The following VEGFC variants were observed in gnomAD, a reference collection of about 807,000 sequenced individuals.
The protein encoded by VEGFC is vascular endothelial growth factor C.
A neutral mutation model predicts 46.1 loss-of-function variants in VEGFC; 12 were observed. The observed-to-expected ratio is 0.26, with a 90% CI of 0.17 to 0.42. The LOEUF (loss-of-function observed/expected upper bound fraction) is 0.42, where lower values mean the gene tolerates loss of function less well. Ranked by LOEUF, VEGFC falls within the 10% of genes least tolerant of loss-of-function variation. VEGFC has a pLI of 1.00. For synonymous variants in VEGFC, 232 were observed against 195.5 expected, an observed-to-expected ratio of 1.19 and a Z score of -1.56; for missense variants, 488 against 529.4, an observed-to-expected ratio of 0.92 and a Z score of 0.77.
chr4:176,756,132 T>C (rs1386135419), intron 1 of VEGFC, among the ~76,000 whole-genome samples: 1 of 152,036 alleles, frequency 6.6e-6, no homozygotes, highest in Non-Finnish European at 1.5e-5. Flanking sequence ...TCTCCCACAT[T>C]CATGACTTTT....
In VEGFC at chr4:176,683,828, G is replaced by C. The variant is rs1579080342; in HGVS notation, c.*98C>G. On this transcript the variant is annotated 3_prime_UTR_variant, in exon 7 of 7. Transcript: ENST00000618562. ...GAAAGACAGACTTTTGTCTTTGTTA[G>C]CATGGACCCACAAGGGTCTCTCTGT... 1.5e-5 allele frequency: 14 copies of C among 956,772 alleles called. No homozygotes were observed. The highest frequency in any genetic ancestry group is 2.3e-5 in the Non-Finnish European group (14 of 605,270). 59.3% of individuals were successfully genotyped at this position (956,772 alleles called of 1,614,324 possible). A position where few individuals can be genotyped will look rare whatever the true frequency, so the allele number is the denominator to read the frequency against.
At chr4:176,728,002 G>A (rs1169989564) in intron 2 of VEGFC, 34 bp from the exon 3 acceptor site, 8 of 1,521,840 alleles carry the variant, frequency 5.3e-6, no homozygotes, top group South Asian at 2.6e-5. Flanking sequence ...TAAGTTTTAC[G>A]GAAACCACCA....
intron 1 of VEGFC, among the ~76,000 whole-genome samples, chr4:176,776,770 T>C (rs1329669774): frequency 1.3e-5 from 2 of 152,220 alleles, no homozygotes; most frequent in African/African-American, 4.8e-5. Flanking sequence ...AATAGAAAAT[T>C]GTTAACATTC....
intron 4 of VEGFC, among the ~76,000 whole-genome samples, chr4:176,692,614 T>C (rs1054995293): frequency 4.3e-5 from 6 of 140,864 alleles, no homozygotes; most frequent in East Asian, 2.0e-4. Flanking sequence ...TCGAACTGGG[T>C]GGAGCCCACC....
intron 3 of VEGFC, among the ~76,000 whole-genome samples, chr4:176,716,584 G>GAAAA (rs57274087): frequency 9.1e-5 from 4 of 43,752 alleles, no homozygotes; most frequent in Non-Finnish European, 1.6e-4. Flanking sequence ...CTCCCTCTCC[G>GAAAA]AAAAAAAAAA....
chr4:176,781,891 T>A (rs1288894024), intron 1 of VEGFC, among the ~76,000 whole-genome samples: 1 of 152,214 alleles, frequency 6.6e-6, no homozygotes, highest in Non-Finnish European at 1.5e-5. Flanking sequence ...TGAAGCAGAT[T>A]AAGTAGTCGG....
At chr4:176,766,593 A>T (rs1457082253) in intron 1 of VEGFC, among the ~76,000 whole-genome samples, 2 of 151,926 alleles carry the variant, frequency 1.3e-5, no homozygotes, top group African/African-American at 4.8e-5. Flanking sequence ...TCTCAAAAAA[A>T]AAAAAAAAAA....
intron 1 of VEGFC, among the ~76,000 whole-genome samples, chr4:176,774,408 C>A (rs1391886570): frequency 6.6e-6 from 1 of 152,004 alleles, no homozygotes; most frequent in African/African-American, 2.4e-5. Context: ...AGCCACAGAG[C>A]CAAATGAGTG....
At position 176,719,279 on chromosome 4, in the gene VEGFC, C is replaced by A. The variant is rs1057057503; in HGVS notation, c.553-7629G>T. Among the ~76,000 whole-genome samples, 27 of 148,438 alleles carry A rather than the reference C, an allele frequency of 1.8e-4. No individual in the cohort carries two copies. In the Admixed American group the frequency reaches 1.9e-3, roughly 10 times the overall value. ...GCTTTGCTACAAAATGTGCCTGGAA[C>A]TCTTTTAACAAAACGAAAAGTCTTT... On this transcript the variant is annotated intron_variant, in intron 3 of 6. Coordinates refer to ENST00000618562, the MANE Select transcript of VEGFC (RefSeq NM_005429.5).
intron 1 of VEGFC, among the ~76,000 whole-genome samples, chr4:176,769,536 T>C (rs1735688390): frequency 6.6e-6 from 1 of 152,172 alleles, no homozygotes. Flanking sequence ...AGATATTACA[T>C]TAATAAATGG....
At chr4:176,748,206 TCA>T (rs1176040032) in intron 1 of VEGFC, among the ~76,000 whole-genome samples, 2 of 152,072 alleles carry the variant, frequency 1.3e-5, no homozygotes, top group Non-Finnish European at 2.9e-5. Flanking sequence ...TAGAATCAAC[TCA>T]CAGATAACTG....
At chr4:176,757,323 C>T (rs7678088) in intron 1 of VEGFC, among the ~76,000 whole-genome samples, 132,102 of 151,970 alleles carry the variant, frequency 0.87, 57,990 homozygotes, top group East Asian at 1. Context: ...CAATAATAAA[C>T]ACACAAGAAT....
At chr4:176,701,978 C>A (rs1472233384) in intron 4 of VEGFC, among the ~76,000 whole-genome samples, 1 of 151,956 alleles carries the variant, frequency 6.6e-6, no homozygotes, top group African/African-American at 2.4e-5. Context: ...TAATGTATAA[C>A]CTTCAAATTA....
chr4:176,749,039 A>G (rs1157717633), intron 1 of VEGFC, among the ~76,000 whole-genome samples: 1 of 152,042 alleles, frequency 6.6e-6, no homozygotes, highest in East Asian at 1.9e-4. Context: ...GCAAGTCAAT[A>G]ATGCAATAAT....
At position 176,719,096 on chromosome 4, in the gene VEGFC, CT is replaced by C. The variant is rs376132516; in HGVS notation, c.553-7447del. 1.6e-3 allele frequency among the ~76,000 whole-genome samples: 247 copies of C among 152,242 alleles called. 2 individuals are homozygous for C. Among genetic ancestry groups the C allele is most frequent in the African/African-American group, 5.7e-3 (236 of 41,552 alleles). On this transcript the variant is annotated intron_variant, in intron 3 of 6. Coordinates refer to ENST00000618562, the MANE Select transcript of VEGFC (RefSeq NM_005429.5). ...GGAATGCACAGTGCATATGCTTTTA[CT>C]TTTCAATGAACAGCTGGCTTCCTCA...
chr4:176,755,178 T>C (rs143625107), intron 1 of VEGFC, among the ~76,000 whole-genome samples: 4 of 152,146 alleles, frequency 2.6e-5, no homozygotes, highest in Non-Finnish European at 5.9e-5. Context: ...ACCTTGTTAA[T>C]AGCCTGCGAG....
chr4:176,715,056 T>TA (rs1734675802), intron 3 of VEGFC, among the ~76,000 whole-genome samples: 1 of 152,160 alleles, frequency 6.6e-6, no homozygotes, highest in African/African-American at 2.4e-5. Flanking sequence ...TTATAAGTGG[T>TA]AAAATGGAAG....
chr4:176,694,417 C>A (rs1734269880), intron 4 of VEGFC, among the ~76,000 whole-genome samples: 1 of 152,084 alleles, frequency 6.6e-6, no homozygotes, highest in African/African-American at 2.4e-5. Flanking sequence ...ATCAATTCAA[C>A]AAGAAGAGCT....
At chr4:176,769,474 G>A (rs986010213) in intron 1 of VEGFC, among the ~76,000 whole-genome samples, 2 of 152,066 alleles carry the variant, frequency 1.3e-5, no homozygotes, top group Non-Finnish European at 2.9e-5. Flanking sequence ...GAGGTCACTG[G>A]TATCTTGGAG....
Sources: allele counts gnomAD v4.1 joint callset (sites outside exome capture counted in the v4.1 genomes callset), GRCh38; gene constraint gnomAD v4.1.1; transcripts MANE v1.5; gene names NCBI Gene and HGNC (gene_info 2026-07-23, HGNC 2026-07-21).